Variants in PIEZO2 observed in about 807,000 individuals in gnomAD.
PIEZO2 encodes the protein piezo type mechanosensitive ion channel component 2.
A neutral mutation model predicts 337.3 loss-of-function variants in PIEZO2; 172 were observed. That is an observed-to-expected ratio of 0.51 (90% CI 0.45 to 0.58). PIEZO2 has a LOEUF of 0.58. PIEZO2 is among the 20% of genes least tolerant of loss of function. The pLI, the probability that PIEZO2 is intolerant of heterozygous loss-of-function variation, is 0.00. For missense variants in PIEZO2, 3,028 were observed against 3,391.3 expected, an observed-to-expected ratio of 0.89 and a Z score of 2.66; for synonymous variants, 1,251 against 1,228.5, an observed-to-expected ratio of 1.02 and a Z score of -0.38.
chr18:11,010,996 T>C lies in PIEZO2; in HGVS notation c.161-31336A>G, dbSNP rs72868893. 3.7e-3 allele frequency among the ~76,000 whole-genome samples: 560 copies of C among 152,352 alleles called. 1 individual carries two copies. Among genetic ancestry groups the C allele is most frequent in the Non-Finnish European group, 6.7e-3 (455 of 68,028 alleles). ...GTGTTCATGCGACATCAGTTCATTG[T>C]ACATTTTCAAAGCACAAGTCCCCAT... is the stretch of plus-strand genomic sequence containing the variant. On this transcript the variant is annotated intron_variant, in intron 2 of 55. Coordinates refer to ENST00000674853, the MANE Select transcript of PIEZO2 (RefSeq NM_001378183.1).
In PIEZO2 at chr18:10,715,784, T is replaced by C. The variant is rs140862542; in HGVS notation, c.5122A>G (p.Lys1708Glu). Residue 1708 changes from lysine (K) to glutamate (E), a missense_variant, in exon 38 of 56, where the codon AAA becomes GAA. Physicochemically the swap from Lys to Glu is moderately conservative, Grantham distance 56. This residue lies in a region of PIEZO2 where 1,925 missense variants were observed against 2,051.9 expected (regional missense o/e 0.94). Transcript: ENST00000674853. ...GCCAGAAATAGGACCCAGGTAAATT[T>C]CAAAATATTAAATATCCTCTTGATG... The part of the protein sequence containing the change: ...NIIKRIFNIL[K>E]FTWVLFLATV... 1.3e-6 allele frequency: 2 copies of C among 1,532,904 alleles called. No individual in the cohort carries two copies. The highest frequency in any genetic ancestry group is 1.4e-5 in the African/African-American group (1 of 73,020). 95.0% of individuals were successfully genotyped at this position (1,532,904 alleles called of 1,614,324 possible).
intron 1 of PIEZO2, among the ~76,000 whole-genome samples, chr18:11,135,788 C>T (rs766582950): frequency 2.6e-5 from 4 of 152,102 alleles, no homozygotes; most frequent in Admixed American, 6.6e-5. Flanking sequence ...CCTCGTGATC[C>T]GCCCACCTAG....
intron 3 of PIEZO2, among the ~76,000 whole-genome samples, chr18:10,966,526 A>G (rs1017147820): frequency 1.4e-4 from 22 of 152,142 alleles, no homozygotes; most frequent in African/African-American, 5.3e-4. Flanking sequence ...CATAAGAGAA[A>G]TCCACATTTC....
In PIEZO2 at chr18:10,733,247, G is replaced by T. The variant is rs145055337; in HGVS notation, c.4915-1726C>A. Among the ~76,000 whole-genome samples the T allele has an allele frequency of 6.3e-3, 958 of 152,168 alleles. 16 individuals carry two copies. Among genetic ancestry groups the T allele is most frequent in the African/African-American group, 0.022 (912 of 41,518 alleles). On this transcript the variant is annotated intron_variant, in intron 35 of 55. Transcript: ENST00000674853. ...ATGAGAATTGAGGTATGCAAACTGG[G>T]GAAAACGGAGAGAGGAGGGAGTCAT... is the stretch of plus-strand genomic sequence containing the variant.
chr18:11,053,473 A>G (rs567632306), intron 2 of PIEZO2, among the ~76,000 whole-genome samples: 26 of 152,340 alleles, frequency 1.7e-4, no homozygotes, highest in Admixed American at 1.6e-3. Flanking sequence ...AATTTATTAG[A>G]GACAGGGTTT....
chr18:11,078,034 ACCCACACACACC>A lies in PIEZO2; in HGVS notation c.65-11824_65-11813del. Among the ~76,000 whole-genome samples, 1 of 118,922 alleles carries A rather than the reference ACCCACACACACC, an allele frequency of 8.4e-6. No homozygotes were observed. Among genetic ancestry groups the A allele is most frequent in the East Asian group, 2.5e-4 (1 of 4,032 alleles). 78.0% of individuals were successfully genotyped at this position (118,922 alleles called of 152,430 possible). ...CAAAAACACATGTGCGTGCACACACACCCACACACACCCACACACACACACACACACACCACA... is the reference window on the plus strand; with the variant it reads ...CAAAAACACATGTGCGTGCACACACACACACACACACACACACACACCACA... On this transcript the variant is annotated intron_variant, in intron 1 of 55. Transcript: ENST00000674853. The surrounding 1 kb of genome is among the most constrained non-coding windows in gnomAD (Gnocchi z 5.3).
Position 10,696,229 on chromosome 18 carries a change from C to T in PIEZO2, c.7035G>A (p.Pro2345=), listed in dbSNP as rs2277860. 0.33 allele frequency: 530,265 copies of T among 1,613,820 alleles called. 90,195 individuals carry two copies. Among genetic ancestry groups the T allele is most frequent in the Non-Finnish European group, 0.36 (419,041 of 1,179,800 alleles). Reference sequence around the variant, plus strand: ...ACTGAATGAGGACCATCACCAAAAACGGCCCCGGGACCTGGTCCTCTGACA... The same window carrying T: ...ACTGAATGAGGACCATCACCAAAAATGGCCCCGGGACCTGGTCCTCTGACA... The part of the protein sequence containing the change: ...SSLSEDQVPG[P]FLVMVLIQFG... The change falls in exon 47 of 56, where the codon CCG becomes CCA. Residue 2345 remains proline, a synonymous_variant. Transcript: ENST00000674853.
chr18:11,075,551 C>T (rs763454122), intron 1 of PIEZO2, among the ~76,000 whole-genome samples: 10 of 152,218 alleles, frequency 6.6e-5, no homozygotes, highest in South Asian at 2.1e-4. Context: ...CTTCCTCTCC[C>T]CCTCTAGTCT....
At chr18:11,062,458 C>T (rs1465156221) in intron 2 of PIEZO2, among the ~76,000 whole-genome samples, 5 of 152,182 alleles carry the variant, frequency 3.3e-5, no homozygotes, top group Non-Finnish European at 7.3e-5. Flanking sequence ...AAACTACCAT[C>T]AGAGTGAACA....
chr18:10,900,986 T>C lies in PIEZO2; in HGVS notation c.329+10200A>G, dbSNP rs2043031878. Among the ~76,000 whole-genome samples, 10 of 152,336 alleles carry C rather than the reference T, an allele frequency of 6.6e-5. No homozygotes were observed. In the South Asian group the frequency reaches 2.1e-3, roughly 32 times the overall value. ...CTCAATTCTTCATGCAACAATGTTT[T>C]TCAAATGAAAGAAAAGAATAGAAAA... On this transcript the variant is annotated intron_variant, in intron 4 of 55. Coordinates refer to ENST00000674853, the MANE Select transcript of PIEZO2 (RefSeq NM_001378183.1).
chr18:10,876,836 T>C (rs1234079673), intron 4 of PIEZO2, among the ~76,000 whole-genome samples: 1 of 152,252 alleles, frequency 6.6e-6, no homozygotes, highest in East Asian at 1.9e-4. Context: ...ACAGGCCTCC[T>C]CAACCCACCA....
At chr18:11,136,132 G>A (rs1032431768) in intron 1 of PIEZO2, among the ~76,000 whole-genome samples, 4 of 152,234 alleles carry the variant, frequency 2.6e-5, no homozygotes, top group African/African-American at 9.6e-5. Flanking sequence ...CACTTTGACA[G>A]TGACTTTAAC....
intron 33 of PIEZO2, chr18:10,738,971 T>G (rs1363224017): frequency 6.6e-6 from 1 of 152,234 alleles, no homozygotes; most frequent in Non-Finnish European, 1.5e-5. Context: ...TTTTGTATTG[T>G]CAATAGATTT....
rs1291642508 is a variant in PIEZO2, at chr18:11,126,026, T to C, written c.64+22499A>G. On this transcript the variant is annotated intron_variant, in intron 1 of 55. Transcript: ENST00000674853. This position sits in a 1 kb window ranked among gnomAD's most constrained non-coding sequence, Gnocchi z 4.6. The stretch of plus-strand genomic sequence containing the variant: ...TGTCAAAGCATGCATAATGACTCCA[T>C]TTATTTTCCAAAATACGTTAACTTT... 6.6e-6 allele frequency among the ~76,000 whole-genome samples: 1 copy of C among 152,190 alleles called. No homozygotes were observed. The highest frequency in any genetic ancestry group is 1.5e-5 in the Non-Finnish European group (1 of 68,032).
At chr18:10,799,652 TA>T (rs1428743318) in intron 11 of PIEZO2, among the ~76,000 whole-genome samples, 1 of 152,004 alleles carries the variant, frequency 6.6e-6, no homozygotes, top group Non-Finnish European at 1.5e-5. Context: ...CCTCGTTTTT[TA>T]AAAAATGGAC....
intron 36 of PIEZO2, chr18:10,725,595 C>G (rs2036502400): frequency 1.5e-6 from 2 of 1,339,436 alleles, no homozygotes; most frequent in East Asian, 2.4e-5. Flanking sequence ...GCTTTCCCTT[C>G]CTGAGCAGCC....
rs1258064929 is a variant in PIEZO2, at chr18:11,132,941, A to G, written c.64+15584T>C. On this transcript the variant is annotated intron_variant, in intron 1 of 55. Transcript: ENST00000674853. The surrounding 1 kb of genome is among the most constrained non-coding windows in gnomAD (Gnocchi z 4.7). ...ACCAGGCAGCACTACAAATGACCCA[A>G]ACCCTTCAGGAATGAAGGTTTGGGT... 1.3e-5 allele frequency among the ~76,000 whole-genome samples: 2 copies of G among 152,146 alleles called. No homozygotes were observed. Among genetic ancestry groups the G allele is most frequent in the African/African-American group, 4.8e-5 (2 of 41,430 alleles).
At chr18:10,744,996 C>A (rs184228652) in intron 30 of PIEZO2, among the ~76,000 whole-genome samples, 190 of 152,378 alleles carry the variant, frequency 1.2e-3, no homozygotes, top group African/African-American at 2.8e-3. Context: ...TGCTTCTCTA[C>A]AGTGGCTGTT....
intron 1 of PIEZO2, among the ~76,000 whole-genome samples, chr18:11,079,183 A>G (rs2038649466): frequency 6.6e-6 from 1 of 152,132 alleles, no homozygotes; most frequent in Non-Finnish European, 1.5e-5. Context: ...TCCCTGGCCC[A>G]TCGTTCCACC....
Sources: allele counts gnomAD v4.1 joint callset (sites outside exome capture counted in the v4.1 genomes callset), GRCh38; gene constraint gnomAD v4.1.1; regional missense constraint gnomAD v4.1.1; non-coding constraint Gnocchi (gnomAD v3.1); transcripts MANE v1.5; gene names NCBI Gene and HGNC (gene_info 2026-07-23, HGNC 2026-07-21).